The following SYNPR variants were observed in gnomAD, a reference collection of about 807,000 sequenced individuals.
SYNPR encodes the protein synaptoporin.
Under a neutral mutation model 32.9 loss-of-function variants are expected in SYNPR, and 23 were observed. The ratio of observed to expected loss-of-function variants is 0.70; its 90% CI spans 0.50 to 0.99. SYNPR has a LOEUF of 0.99. Among genes scored for constraint, SYNPR ranks in the 50% least tolerant of loss-of-function variants. The probability of loss-of-function intolerance (pLI) is 0.00; values close to 1 mark genes in which losing one functional copy is unlikely to be tolerated. For missense variants in SYNPR, 318 were observed against 349.3 expected (o/e 0.91, Z 0.71); for synonymous variants, 146 against 135.9 (o/e 1.07, Z -0.52).
At chr3:63,507,955 A>C (rs1701622008) in intron 3 of SYNPR, among the ~76,000 whole-genome samples, 1 of 152,110 alleles carries the variant, frequency 6.6e-6, no homozygotes, top group Admixed American at 6.6e-5. Flanking sequence ...GAAAATGGCA[A>C]AATTAGTTTT....
intron 3 of SYNPR, among the ~76,000 whole-genome samples, chr3:63,529,859 C>A (rs1240647883): frequency 2.0e-5 from 3 of 152,134 alleles, no homozygotes; most frequent in Admixed American, 1.3e-4. Context: ...CTAACACACT[C>A]AGGCGAAAAG....
intron 3 of SYNPR, among the ~76,000 whole-genome samples, chr3:63,554,753 G>T (rs1393402497): frequency 6.6e-6 from 1 of 151,846 alleles, no homozygotes; most frequent in African/African-American, 2.4e-5. Context: ...TGTGAAGAAT[G>T]ACATTGGTAG....
the SYNPR span, among the ~76,000 whole-genome samples, chr3:63,210,022 A>T: frequency 6.6e-6 from 1 of 151,918 alleles, no homozygotes; most frequent in African/African-American, 2.4e-5. Flanking sequence ...TATTAGCTAA[A>T]ATTTTTTTTT....
At chr3:63,248,702 G>A (rs963301711) in intron 1 of SYNPR, among the ~76,000 whole-genome samples, 3 of 152,124 alleles carry the variant, frequency 2.0e-5, no homozygotes, top group Admixed American at 6.6e-5. Flanking sequence ...ATGTGAAATA[G>A]ATGCTCTGCA....
chr3:63,327,335 T>C (rs2087178171), intron 2 of SYNPR, among the ~76,000 whole-genome samples: 1 of 152,104 alleles, frequency 6.6e-6, no homozygotes, highest in African/African-American at 2.4e-5. Context: ...CCTACTAAAG[T>C]GGGTATATGT....
intron 2 of SYNPR, among the ~76,000 whole-genome samples, chr3:63,434,093 A>C (rs1268238234): frequency 6.6e-6 from 1 of 151,912 alleles, no homozygotes; most frequent in Non-Finnish European, 1.5e-5. Context: ...AATGTTATAC[A>C]CTCTACGTTT....
intron 2 of SYNPR, among the ~76,000 whole-genome samples, chr3:63,307,811 G>A (rs2086922531): frequency 1.3e-5 from 2 of 151,966 alleles, no homozygotes; most frequent in African/African-American, 2.4e-5. Context: ...AGATTCCTAG[G>A]GGGAAGCCTA....
intron 4 of SYNPR, among the ~76,000 whole-genome samples, chr3:63,583,267 T>C (rs1175370621): frequency 6.6e-6 from 1 of 152,066 alleles, no homozygotes; most frequent in Non-Finnish European, 1.5e-5. Context: ...GTTTCACTTC[T>C]TCTGTGGTTT....
intron 2 of SYNPR, among the ~76,000 whole-genome samples, chr3:63,427,153 A>G (rs1287636709): frequency 6.6e-6 from 1 of 151,622 alleles, no homozygotes; most frequent in Non-Finnish European, 1.5e-5. Context: ...CTTTAAAAAA[A>G]AAAAAAAGTA....
chr3:63,230,293 T>A (rs190170005), intron 1 of SYNPR, among the ~76,000 whole-genome samples: 1 of 152,306 alleles, frequency 6.6e-6, no homozygotes, highest in East Asian at 1.9e-4. Context: ...ATATTTGCTA[T>A]TTATTCTTTC....
chr3:63,476,461 T>C (rs990480626), intron 2 of SYNPR, among the ~76,000 whole-genome samples: 2 of 152,112 alleles, frequency 1.3e-5, no homozygotes, highest in African/African-American at 2.4e-5. Flanking sequence ...CCTACTCTGC[T>C]TTGGTAATGA....
upstream of SYNPR, among the ~76,000 whole-genome samples, chr3:63,277,458 G>A (rs1190270451): frequency 1.3e-5 from 2 of 152,144 alleles, no homozygotes; most frequent in Admixed American, 6.5e-5. Flanking sequence ...GAGGGACCCA[G>A]TGTTATATTT....
chr3:63,545,314 T>C (rs780471022), intron 3 of SYNPR: 21 of 152,150 alleles, frequency 1.4e-4, no homozygotes, highest in Non-Finnish European at 2.1e-4. Context: ...TGATGGGGTT[T>C]AGTAAATCTT....
chr3:63,458,303 T>C (rs913584699), intron 2 of SYNPR, among the ~76,000 whole-genome samples: 9 of 152,142 alleles, frequency 5.9e-5, no homozygotes, highest in African/African-American at 2.2e-4. Flanking sequence ...AACTACATTA[T>C]TTATCTAACT....
intron 2 of SYNPR, among the ~76,000 whole-genome samples, chr3:63,364,347 G>T (rs886312706): frequency 6.6e-6 from 1 of 152,126 alleles, no homozygotes; most frequent in African/African-American, 2.4e-5. Flanking sequence ...ACAACATATA[G>T]GTTCAGGAGC....
intron 2 of SYNPR, among the ~76,000 whole-genome samples, chr3:63,439,787 A>G (rs1044039442): frequency 6.6e-6 from 1 of 152,178 alleles, no homozygotes; most frequent in Non-Finnish European, 1.5e-5. Context: ...GCCCTTATTC[A>G]TCTGTTCTGT....
At chr3:63,451,173 A>G (rs1353944880) in intron 2 of SYNPR, among the ~76,000 whole-genome samples, 1 of 152,172 alleles carries the variant, frequency 6.6e-6, no homozygotes, top group African/African-American at 2.4e-5. Flanking sequence ...TAGATGAAAT[A>G]GGAAAGTACT....
chr3:63,565,723 G>A (rs1702771848), intron 4 of SYNPR, among the ~76,000 whole-genome samples: 1 of 152,156 alleles, frequency 6.6e-6, no homozygotes, highest in Admixed American at 6.5e-5. Flanking sequence ...ATGCTGCAAT[G>A]AGGCACCATC....
intron 2 of SYNPR, among the ~76,000 whole-genome samples, chr3:63,350,838 T>C (rs1023817066): frequency 6.6e-6 from 1 of 152,162 alleles, no homozygotes; most frequent in African/African-American, 2.4e-5. Context: ...CCAAATCATG[T>C]CTATAGCTTG....
Sources: allele counts gnomAD v4.1 joint callset (sites outside exome capture counted in the v4.1 genomes callset), GRCh38; gene constraint gnomAD v4.1.1; transcripts MANE v1.5; gene names NCBI Gene and HGNC (gene_info 2026-07-23, HGNC 2026-07-21).